Variants in CNTN4 observed in about 807,000 individuals in gnomAD.
CNTN4 encodes the protein contactin-4.
Under a neutral mutation model 122.5 loss-of-function variants are expected in CNTN4, and 77 were observed. That is an observed-to-expected ratio of 0.63 (90% CI 0.52 to 0.76). The LOEUF (loss-of-function observed/expected upper bound fraction) is 0.76, where lower values mean the gene tolerates loss of function less well. Ranked by LOEUF, CNTN4 falls within the 30% of genes least tolerant of loss-of-function variation. The probability of loss-of-function intolerance (pLI) is 0.00; values close to 1 mark genes in which losing one functional copy is unlikely to be tolerated. For synonymous variants in CNTN4, 512 were observed against 447.0 expected (o/e 1.15, Z -1.83); for missense variants, 1,256 against 1,259.1 (o/e 1.00, Z 0.04).
chr3:2,421,960 A>AT (rs1470102626), intron 3 of CNTN4, among the ~76,000 whole-genome samples: 1 of 151,520 alleles, frequency 6.6e-6, no homozygotes, highest in Non-Finnish European at 1.5e-5. Flanking sequence ...GATGTCATTC[A>AT]TAAAAAAAAA....
intron 3 of CNTN4, among the ~76,000 whole-genome samples, chr3:2,359,301 T>A (rs1482005994): frequency 6.6e-6 from 1 of 151,846 alleles, no homozygotes; most frequent in Non-Finnish European, 1.5e-5. Context: ...ATGTAATTAT[T>A]ACAACGTATA....
chr3:2,144,313 G>C (rs894127424), intron 2 of CNTN4: 3 of 152,146 alleles, frequency 2.0e-5, no homozygotes, highest in Admixed American at 6.5e-5. Context: ...CCTACTTGTA[G>C]GTCAGTAAAA....
chr3:2,147,878 A>T (rs751463760), intron 2 of CNTN4, among the ~76,000 whole-genome samples: 10 of 152,138 alleles, frequency 6.6e-5, no homozygotes, highest in Non-Finnish European at 1.3e-4. Context: ...TGTATCCTCT[A>T]CCTAGAAGTC....
At chr3:2,711,778 A>G (rs952462989) in intron 4 of CNTN4, among the ~76,000 whole-genome samples, 4 of 152,224 alleles carry the variant, frequency 2.6e-5, no homozygotes, top group Non-Finnish European at 5.9e-5. Context: ...AAAACTTGTG[A>G]AAACCTCAGG....
In CNTN4 at chr3:3,040,263, C is replaced by T; in HGVS notation, c.2390C>T (p.Ala797Val). 1.9e-6 allele frequency: 3 copies of T among 1,610,086 alleles called. No individual in the cohort carries two copies. The highest frequency in any genetic ancestry group is 2.6e-6 in the Non-Finnish European group (3 of 1,176,292). The change falls in exon 20 of 25, where the codon GCA becomes GTA. Residue 797 changes from alanine to valine, a missense_variant. By Grantham distance (64) the Ala-to-Val change is moderately conservative. Coordinates refer to ENST00000418658, the MANE Select transcript of CNTN4 (RefSeq NM_175607.3). ...PFSPTTVVYS[A>V]EEEPTKPPAS... ...AGTCCCACCACGGTGGTGTATTCTG[C>T]AGAAGAAGGTATCGTTTATGCTGCC...
intron 4 of CNTN4, among the ~76,000 whole-genome samples, chr3:2,589,460 A>C (rs1290114414): frequency 6.6e-6 from 1 of 152,224 alleles, no homozygotes; most frequent in Non-Finnish European, 1.5e-5. Flanking sequence ...TGTGTCTTAG[A>C]GTATAATTCT....
intron 6 of CNTN4, among the ~76,000 whole-genome samples, chr3:2,814,942 G>C (rs998687930): frequency 3.9e-5 from 6 of 152,190 alleles, no homozygotes; most frequent in African/African-American, 1.2e-4. Context: ...GTTGCTATTA[G>C]TGTGATGGCC....
chr3:2,157,000 T>G (rs1020668004), intron 2 of CNTN4, among the ~76,000 whole-genome samples: 26 of 152,322 alleles, frequency 1.7e-4, no homozygotes, highest in African/African-American at 6.3e-4. Flanking sequence ...CCTAATGACC[T>G]TCTTCCTTTT....
chr3:2,166,072 G>C (rs1243657668), intron 2 of CNTN4, among the ~76,000 whole-genome samples: 1 of 152,094 alleles, frequency 6.6e-6, no homozygotes, highest in African/African-American at 2.4e-5. Context: ...ATACCCAGAA[G>C]TGGAATTGCT....
At chr3:2,661,201 T>G in intron 4 of CNTN4, among the ~76,000 whole-genome samples, 1 of 152,296 alleles carries the variant, frequency 6.6e-6, no homozygotes, top group African/African-American at 2.4e-5. Context: ...TGATTTAGCT[T>G]TTTCTTATGT....
intron 3 of CNTN4, among the ~76,000 whole-genome samples, chr3:2,406,666 A>G (rs971759054): frequency 6.6e-5 from 10 of 152,182 alleles, no homozygotes; most frequent in African/African-American, 1.4e-4. Flanking sequence ...AATATTGTAC[A>G]ACATACCTCT....
chr3:2,602,223 G>A (rs910698538), intron 4 of CNTN4, among the ~76,000 whole-genome samples: 9 of 152,074 alleles, frequency 5.9e-5, no homozygotes, highest in Admixed American at 5.9e-4. Context: ...ATTCAACATA[G>A]GGTTGAAAGT....
At chr3:2,179,654 A>C (rs1038404693) in intron 2 of CNTN4, among the ~76,000 whole-genome samples, 2 of 151,480 alleles carry the variant, frequency 1.3e-5, no homozygotes, top group Non-Finnish European at 3.0e-5. Flanking sequence ...ACTTATTTAC[A>C]CTCAGTGTTT....
At chr3:2,995,113 A>G (rs1431625463) in intron 14 of CNTN4, among the ~76,000 whole-genome samples, 1 of 152,140 alleles carries the variant, frequency 6.6e-6, no homozygotes, top group Non-Finnish European at 1.5e-5. Flanking sequence ...CAGTAGAAGA[A>G]CATCTGGCCA....
chr3:2,577,457 T>C (rs1350161165), intron 4 of CNTN4, among the ~76,000 whole-genome samples: 1 of 152,236 alleles, frequency 6.6e-6, no homozygotes, highest in African/African-American at 2.4e-5. Flanking sequence ...TTACTCTTTT[T>C]AGTATTTGCT....
intron 13 of CNTN4, among the ~76,000 whole-genome samples, chr3:2,972,354 ACACT>A (rs1398014590): frequency 6.6e-6 from 1 of 152,098 alleles, no homozygotes; most frequent in African/African-American, 2.4e-5. Flanking sequence ...ACAGACACAC[ACACT>A]CAAAGATTTT....
At chr3:2,743,705 T>C (rs2089595381) in intron 5 of CNTN4, among the ~76,000 whole-genome samples, 1 of 152,242 alleles carries the variant, frequency 6.6e-6, no homozygotes, top group Non-Finnish European at 1.5e-5. Flanking sequence ...AAAGTGAGAA[T>C]ACAAAAGTGA....
Position 2,804,573 on chromosome 3 carries a change from T to C in CNTN4, c.359-14913T>C, listed in dbSNP as rs1363066119. On this transcript the variant is annotated intron_variant, in intron 6 of 24. Transcript: ENST00000418658. ...TAGGAAGAACTCAATAAATCTTAGCTCTAAATACTACTATTCAACCTACAA... is the reference window on the plus strand; with the variant it reads ...TAGGAAGAACTCAATAAATCTTAGCCCTAAATACTACTATTCAACCTACAA... Among the ~76,000 whole-genome samples the C allele has an allele frequency of 2.0e-5, 3 of 152,238 alleles. No individual in the cohort carries two copies. The South Asian group carries it at 6.2e-4, about 32-fold the overall frequency.
rs1161581084 is a variant in CNTN4, at chr3:2,136,605, ATGT to A, written c.-145+35970_-145+35972del. Among the ~76,000 whole-genome samples the A allele has an allele frequency of 4.6e-5, 7 of 152,078 alleles. No homozygotes were observed. In the East Asian group the frequency reaches 9.6e-4, roughly 21 times the overall value. On this transcript the variant is annotated intron_variant, in intron 2 of 24. Coordinates refer to ENST00000418658, the MANE Select transcript of CNTN4 (RefSeq NM_175607.3). The stretch of plus-strand genomic sequence containing the variant: ...TAAAGCATATTTCATATTCAGAAAG[ATGT>A]TGTATTTGAGAAGCGACGTGGTAAT...
Sources: allele counts gnomAD v4.1 joint callset (sites outside exome capture counted in the v4.1 genomes callset), GRCh38; gene constraint gnomAD v4.1.1; transcripts MANE v1.5; gene names NCBI Gene and HGNC (gene_info 2026-07-23, HGNC 2026-07-21).